Variants in RBFOX1 observed in about 807,000 individuals in gnomAD.
RBFOX1 encodes the protein RNA binding fox-1 homolog 1.
RBFOX1 carries 8 observed loss-of-function variants against 57.7 expected under a neutral mutation model. That is an observed-to-expected ratio of 0.14 (90% CI 0.08 to 0.25). The LOEUF is 0.25. Ranked by LOEUF, RBFOX1 falls within the 10% of genes least tolerant of loss-of-function variation. The pLI, the probability that RBFOX1 is intolerant of heterozygous loss-of-function variation, is 1.00. For synonymous variants in RBFOX1, 326 were observed against 222.4 expected, an observed-to-expected ratio of 1.47 and a Z score of -4.15; for missense variants, 611 against 548.5, an observed-to-expected ratio of 1.11 and a Z score of -1.14.
intron 2 of RBFOX1, among the ~76,000 whole-genome samples, chr16:6,636,216 G>A (rs1055638678): frequency 6.6e-6 from 1 of 152,152 alleles, no homozygotes; most frequent in Non-Finnish European, 1.5e-5. Flanking sequence ...TGTCGCCCAG[G>A]CTGGAGTGCA....
intron 3 of RBFOX1, among the ~76,000 whole-genome samples, chr16:5,612,443 G>A (rs950220048): frequency 1.6e-4 from 24 of 149,760 alleles, no homozygotes; most frequent in African/African-American, 5.8e-4. Context: ...CCCCTCTGTG[G>A]GTCTACAGTT....
chr16:6,554,045 A>AATGAATGAATGC (rs2097047440), intron 2 of RBFOX1, among the ~76,000 whole-genome samples: 3 of 152,198 alleles, frequency 2.0e-5, no homozygotes, highest in Admixed American at 2.0e-4. Context: ...TGAATGAATG[A>AATGAATGAATGC]ATGAATGGAT....
intron 4 of RBFOX1, among the ~76,000 whole-genome samples, chr16:7,467,309 G>T (rs2060708822): frequency 6.6e-6 from 1 of 152,132 alleles, no homozygotes; most frequent in Admixed American, 6.5e-5. Context: ...GGCTGTTGCA[G>T]GGGGTCTCAT....
At chr16:5,828,204 C>T (rs2056142394) in intron 3 of RBFOX1, among the ~76,000 whole-genome samples, 1 of 152,150 alleles carries the variant, frequency 6.6e-6, no homozygotes. Flanking sequence ...TCCGCTCATC[C>T]ATCCACCCAT....
At chr16:7,138,080 G>C (rs556007200) in intron 4 of RBFOX1, among the ~76,000 whole-genome samples, 84 of 152,292 alleles carry the variant, frequency 5.5e-4, no homozygotes, top group African/African-American at 1.9e-3. Flanking sequence ...AATGTTTGGA[G>C]AGAATGGTGA....
intron 2 of RBFOX1, among the ~76,000 whole-genome samples, chr16:5,587,405 G>T (rs997395488): frequency 3.3e-5 from 5 of 152,180 alleles, no homozygotes; most frequent in Admixed American, 2.6e-4. Context: ...CATTAGAATG[G>T]CTAGAATCTA....
intron 2 of RBFOX1, among the ~76,000 whole-genome samples, chr16:6,320,627 C>G (rs1002719933): frequency 1.3e-5 from 2 of 152,034 alleles, no homozygotes; most frequent in Non-Finnish European, 2.9e-5. Flanking sequence ...ATAGTTAACC[C>G]TGCTAAGAGA....
intron 11 of RBFOX1, among the ~76,000 whole-genome samples, chr16:7,646,400 C>T (rs915085495): frequency 2.6e-5 from 4 of 152,164 alleles, no homozygotes; most frequent in Non-Finnish European, 5.9e-5. Context: ...ACATCTGCAC[C>T]CCCAGAATTG....
chr16:6,740,853 T>C lies in RBFOX1; in HGVS notation c.-16+86203T>C, dbSNP rs76985665. 6.2e-4 allele frequency among the ~76,000 whole-genome samples: 94 copies of C among 152,284 alleles called. 3 individuals are homozygous for C. The East Asian group carries it at 0.014, about 23-fold the overall frequency. On this transcript the variant is annotated intron_variant, in intron 3 of 15. Coordinates refer to ENST00000550418, the MANE Select transcript of RBFOX1 (RefSeq NM_018723.4). ...AAAATATCAGCAGAGTTTTTAAAAATAAATATAGACAAGATTATCTCAAAA... is the reference window on the plus strand; with the variant it reads ...AAAATATCAGCAGAGTTTTTAAAAACAAATATAGACAAGATTATCTCAAAA...
chr16:5,858,864 C>T (rs924939324), intron 3 of RBFOX1, among the ~76,000 whole-genome samples: 1 of 152,096 alleles, frequency 6.6e-6, no homozygotes, highest in African/African-American at 2.4e-5. Context: ...GGAACCAAGT[C>T]CCAGGCCAGA....
chr16:5,913,600 C>T (rs1170827419), intron 4 of RBFOX1, among the ~76,000 whole-genome samples: 1 of 152,214 alleles, frequency 6.6e-6, no homozygotes, highest in Admixed American at 6.5e-5. Flanking sequence ...CATGCTTGTA[C>T]AGCCTGAAGA....
At chr16:7,584,891 A>G (rs925036962) in intron 6 of RBFOX1, among the ~76,000 whole-genome samples, 1 of 152,166 alleles carries the variant, frequency 6.6e-6, no homozygotes, top group African/African-American at 2.4e-5. Context: ...ACTGCCACAG[A>G]AGCAAACTTT....
chr16:5,934,390 C>T (rs1431079693), intron 4 of RBFOX1, among the ~76,000 whole-genome samples: 2 of 152,146 alleles, frequency 1.3e-5, no homozygotes, highest in Non-Finnish European at 2.9e-5. Context: ...GTGGATTTTG[C>T]ATTTATGTAA....
chr16:7,664,737 A>G, intron 12 of RBFOX1, 192 bp from the exon 13 acceptor site: 1 of 947,802 alleles, frequency 1.1e-6, no homozygotes. Context: ...GCCAACACCA[A>G]AGCCCGGCCT....
At chr16:5,463,454 A>G (rs2068853634) in intron 1 of RBFOX1, among the ~76,000 whole-genome samples, 1 of 152,186 alleles carries the variant, frequency 6.6e-6, no homozygotes, top group South Asian at 2.1e-4. Flanking sequence ...TGAAAATAAT[A>G]CAGAGAAATA....
At chr16:7,210,178 A>G (rs980311841) in intron 4 of RBFOX1, among the ~76,000 whole-genome samples, 7 of 152,224 alleles carry the variant, frequency 4.6e-5, no homozygotes, top group Non-Finnish European at 8.8e-5. Context: ...TTATCAGTCA[A>G]GATCCCACAC....
intron 4 of RBFOX1, among the ~76,000 whole-genome samples, chr16:7,319,524 G>C (rs563286539): frequency 1.1e-4 from 16 of 152,272 alleles, no homozygotes; most frequent in African/African-American, 3.9e-4. Flanking sequence ...TGTACAATCT[G>C]TTTGGCATGG....
At position 6,062,621 on chromosome 16, in the gene RBFOX1, T is replaced by TATA. The variant is rs6145734; in HGVS notation, c.-127+42630_-127+42632dup. Among the ~76,000 whole-genome samples, 250 of 147,702 alleles carry TATA rather than the reference T, an allele frequency of 1.7e-3. 2 individuals carry two copies. The highest frequency in any genetic ancestry group is 5.3e-3 in the African/African-American group (214 of 40,672). On this transcript the variant is annotated intron_variant, in intron 1 of 15. Coordinates refer to ENST00000550418, the MANE Select transcript of RBFOX1 (RefSeq NM_018723.4). ...GTATATATGTTACATAATATATAAA[T>TATA]ATATATAACATATACATATATACAT...
At chr16:5,432,661 G>A (rs1244193004) in intron 1 of RBFOX1, among the ~76,000 whole-genome samples, 2 of 150,926 alleles carry the variant, frequency 1.3e-5, no homozygotes, top group Non-Finnish European at 2.9e-5. Flanking sequence ...GAGAAGACAT[G>A]GCAGGTCAAA....
Sources: allele counts gnomAD v4.1 joint callset (sites outside exome capture counted in the v4.1 genomes callset), GRCh38; gene constraint gnomAD v4.1.1; transcripts MANE v1.5; gene names NCBI Gene and HGNC (gene_info 2026-07-23, HGNC 2026-07-21).